Variants in TIAM2 observed in about 807,000 individuals in gnomAD.
TIAM2 encodes TIAM Rac1 associated GEF 2, also known as rho guanine nucleotide exchange factor TIAM2.
A neutral mutation model predicts 152.9 loss-of-function variants in TIAM2; 80 were observed. The observed-to-expected ratio is 0.52, with a 90% CI of 0.44 to 0.63. The LOEUF (loss-of-function observed/expected upper bound fraction) is 0.63, where lower values mean the gene tolerates loss of function less well. Ranked by LOEUF, TIAM2 falls within the 30% of genes least tolerant of loss-of-function variation. The pLI, the probability that TIAM2 is intolerant of heterozygous loss-of-function variation, is 0.00. For synonymous variants in TIAM2, 804 were observed against 838.0 expected (o/e 0.96, Z 0.70); for missense variants, 1,965 against 2,120.1 (o/e 0.93, Z 1.44).
At chr6:155,072,801 G>A (rs1235355236) in intron 1 of TIAM2, among the ~76,000 whole-genome samples, 1 of 152,172 alleles carries the variant, frequency 6.6e-6, no homozygotes, top group Admixed American at 6.5e-5. Context: ...GGTGGGCACA[G>A]AGGGAGGAGT....
At chr6:155,222,884 A>G (rs549748268) in intron 15 of TIAM2, among the ~76,000 whole-genome samples, 1 of 152,312 alleles carries the variant, frequency 6.6e-6, no homozygotes, top group East Asian at 1.9e-4. Flanking sequence ...GAACCCTATT[A>G]GAATTTGCTT....
At chr6:155,185,205 C>T (rs894759689) in intron 14 of TIAM2, among the ~76,000 whole-genome samples, 4 of 135,334 alleles carry the variant, frequency 3.0e-5, no homozygotes, top group African/African-American at 1.1e-4. Context: ...TGGCTTAGTG[C>T]AACCTCCACC....
At chr6:155,222,818 A>G (rs775548632) in intron 15 of TIAM2, among the ~76,000 whole-genome samples, 4 of 152,090 alleles carry the variant, frequency 2.6e-5, no homozygotes, top group Non-Finnish European at 5.9e-5. Context: ...TTTCTGCTAG[A>G]TATCCCTTTT....
intron 2 of TIAM2, among the ~76,000 whole-genome samples, chr6:155,105,119 G>C (rs1778651750): frequency 6.6e-6 from 1 of 151,834 alleles, no homozygotes; most frequent in African/African-American, 2.4e-5. Flanking sequence ...ACCACACCTG[G>C]CTAATTTTTT....
At chr6:155,005,430 C>T (rs1252583757) in intron 1 of TIAM2, 1 of 153,590 alleles carries the variant, frequency 6.5e-6, no homozygotes, top group African/African-American at 2.4e-5. Flanking sequence ...ACCTCCACCT[C>T]CTAGGTTAAA....
At chr6:155,167,716 C>T (rs931143610) in intron 9 of TIAM2, among the ~76,000 whole-genome samples, 1 of 152,060 alleles carries the variant, frequency 6.6e-6, no homozygotes, top group Non-Finnish European at 1.5e-5. Context: ...AGGCTAGTCT[C>T]AAATTTCTGG....
At chr6:155,082,141 C>T (rs566833636) in intron 1 of TIAM2, among the ~76,000 whole-genome samples, 5 of 152,016 alleles carry the variant, frequency 3.3e-5, no homozygotes, top group Admixed American at 2.0e-4. Context: ...ACCAAAAATT[C>T]GAGACCAGCC....
intron 25 of TIAM2, 163 bp downstream of exon 25, chr6:155,254,223 TTAAA>T: frequency 1.0e-6 from 1 of 989,684 alleles, no homozygotes; most frequent in Non-Finnish European, 1.5e-6. Context: ...ACTATGTTGA[TTAAA>T]TAAATATCAA....
At chr6:155,117,404 C>CAT (rs1779040664) in intron 2 of TIAM2, among the ~76,000 whole-genome samples, 1 of 152,064 alleles carries the variant, frequency 6.6e-6, no homozygotes, top group Admixed American at 6.6e-5. Flanking sequence ...CCGGTTTCAC[C>CAT]ATCTCTCTCA....
chr6:155,069,197 T>C (rs1384239545), intron 1 of TIAM2, among the ~76,000 whole-genome samples: 1 of 152,106 alleles, frequency 6.6e-6, no homozygotes. Flanking sequence ...CAGGTTCTAG[T>C]GATTCTCCTG....
chr6:155,166,156 T>G (rs1780430594), intron 9 of TIAM2, among the ~76,000 whole-genome samples: 1 of 152,120 alleles, frequency 6.6e-6, no homozygotes, highest in African/African-American at 2.4e-5. Context: ...GACTGACACT[T>G]GAAGAGGTTA....
intron 1 of TIAM2, among the ~76,000 whole-genome samples, chr6:155,005,557 C>T (rs967911922): frequency 4.6e-5 from 7 of 151,922 alleles, no homozygotes; most frequent in African/African-American, 1.7e-4. Context: ...CCAGGCTGGT[C>T]TTGAACTTCT....
At chr6:155,118,310 C>T (rs772287081) in intron 2 of TIAM2, among the ~76,000 whole-genome samples, 14 of 152,150 alleles carry the variant, frequency 9.2e-5, no homozygotes, top group African/African-American at 1.9e-4. Flanking sequence ...CTTGTGGATT[C>T]GGTCCTTCAG....
intron 4 of TIAM2, among the ~76,000 whole-genome samples, chr6:155,135,747 G>T (rs1779540375): frequency 6.6e-6 from 1 of 152,142 alleles, no homozygotes; most frequent in Non-Finnish European, 1.5e-5. Flanking sequence ...ACCTGTGTTT[G>T]ATTTTTGTGT....
intron 1 of TIAM2, among the ~76,000 whole-genome samples, chr6:155,083,918 A>T (rs993962472): frequency 1.3e-5 from 2 of 152,242 alleles, no homozygotes; most frequent in African/African-American, 4.8e-5. Flanking sequence ...AGAACCAGGC[A>T]TAAACCTCCT....
chr6:155,117,223 C>T (rs1326668434), intron 2 of TIAM2, among the ~76,000 whole-genome samples: 1 of 151,822 alleles, frequency 6.6e-6, no homozygotes, highest in East Asian at 1.9e-4. Flanking sequence ...TTGGGCAGCC[C>T]CTGAGCCAGA....
chr6:155,253,263 C>A (rs182451872), intron 24 of TIAM2: 2 of 505,228 alleles, frequency 4.0e-6, no homozygotes, highest in South Asian at 3.5e-5. Flanking sequence ...TTGCCAAATG[C>A]CTTTCATTGT....
At chr6:155,151,826 A>AGC in intron 7 of TIAM2, among the ~76,000 whole-genome samples, 1 of 96,488 alleles carries the variant, frequency 1.0e-5, no homozygotes, top group African/African-American at 3.2e-5. Flanking sequence ...ATTCTATAGA[A>AGC]TCTTTTTTTT....
At chr6:155,217,277 T>G (rs1000797533) in intron 15 of TIAM2, among the ~76,000 whole-genome samples, 1 of 152,216 alleles carries the variant, frequency 6.6e-6, no homozygotes, top group Admixed American at 6.5e-5. Context: ...TACATGCTTT[T>G]TACAGCTAAG....
Sources: allele counts gnomAD v4.1 joint callset (sites outside exome capture counted in the v4.1 genomes callset), GRCh38; gene constraint gnomAD v4.1.1; transcripts MANE v1.5; gene names NCBI Gene and HGNC (gene_info 2026-07-23, HGNC 2026-07-21).